Variants in PTPRJ observed in about 807,000 individuals in gnomAD.
The protein encoded by PTPRJ is protein tyrosine phosphatase receptor type J, also known as receptor-type tyrosine-protein phosphatase eta.
PTPRJ carries 129 observed loss-of-function variants against 141.3 expected under a neutral mutation model. That is an observed-to-expected ratio of 0.91 (90% CI 0.79 to 1.06). The LOEUF is 1.06. Among genes scored for constraint, PTPRJ ranks in the 50% least tolerant of loss-of-function variants. The pLI is 0.00. For missense variants in PTPRJ, 1,601 were observed against 1,679.7 expected (o/e 0.95, Z 0.82); for synonymous variants, 610 against 640.5 (o/e 0.95, Z 0.72).
chr11:48,028,475 A>G (rs1046259796), intron 1 of PTPRJ, among the ~76,000 whole-genome samples: 2 of 152,294 alleles, frequency 1.3e-5, no homozygotes, highest in South Asian at 2.1e-4. Context: ...GACTGGCCAC[A>G]GCCCAGCCCA....
At chr11:48,046,900 ATATATATATATATT>A (rs1242549870) in intron 1 of PTPRJ, among the ~76,000 whole-genome samples, 1 of 82,206 alleles carries the variant, frequency 1.2e-5, no homozygotes, top group Non-Finnish European at 2.2e-5. Flanking sequence ...ATATATATAT[ATATATATATATATT>A]TTTTTTTTTT....
intron 1 of PTPRJ, among the ~76,000 whole-genome samples, chr11:48,080,207 G>A (rs542830856): frequency 2.0e-5 from 3 of 152,294 alleles, no homozygotes; most frequent in South Asian, 4.1e-4. Context: ...TATCAAAGCC[G>A]GTTGGTACTG....
chr11:48,062,120 AACTCCTGG>A (rs928219116), intron 1 of PTPRJ, among the ~76,000 whole-genome samples: 90 of 150,212 alleles, frequency 6.0e-4, no homozygotes, highest in African/African-American at 2.1e-3. Context: ...GCTGGTTTCT[AACTCCTGG>A]ACTCAAGTGA....
rs1286082298 is a variant in PTPRJ, at chr11:48,131,051, C to CACAT, written c.1615+336_1615+337insCATA. Among the ~76,000 whole-genome samples, 203 of 112,078 alleles carry CACAT rather than the reference C, an allele frequency of 1.8e-3. 1 individual carries two copies. Among genetic ancestry groups the CACAT allele is most frequent in the African/African-American group, 5.8e-3 (146 of 25,044 alleles). 73.5% of individuals were successfully genotyped at this position (112,078 alleles called of 152,430 possible). A position where few individuals can be genotyped will look rare whatever the true frequency, so the allele number is the denominator to read the frequency against. ...TTTAATACACACACACACACACACA[C>CACAT]ATATATATATATATATATATTTTTT... is the stretch of plus-strand genomic sequence containing the variant. On this transcript the variant is annotated intron_variant, in intron 8 of 24. Coordinates refer to ENST00000418331, the MANE Select transcript of PTPRJ (RefSeq NM_002843.4).
At chr11:48,011,292 C>CATGGT (rs1451053738) in intron 1 of PTPRJ, among the ~76,000 whole-genome samples, 1 of 152,124 alleles carries the variant, frequency 6.6e-6, no homozygotes. Context: ...TGTATGTGCA[C>CATGGT]AAGGCCTCTT....
chr11:48,080,622 G>C (rs775541013), intron 1 of PTPRJ, among the ~76,000 whole-genome samples: 1 of 152,224 alleles, frequency 6.6e-6, no homozygotes, highest in Non-Finnish European at 1.5e-5. Flanking sequence ...TGTTGGGTTG[G>C]TGAGGACAGA....
intron 4 of PTPRJ, 59 bp from the exon 5 acceptor site, chr11:48,123,554 T>C: frequency 6.5e-7 from 1 of 1,540,340 alleles, no homozygotes; most frequent in Non-Finnish European, 8.8e-7. Context: ...CCAGTCATTC[T>C]TAATGAAGGT....
At chr11:48,163,416 C>T (rs748793762) in intron 22 of PTPRJ, 42 bp from the exon 23 acceptor site, 47 of 1,545,470 alleles carry the variant, frequency 3.0e-5, no homozygotes, top group Non-Finnish European at 4.2e-5. Flanking sequence ...TGTTGTTAGG[C>T]AGCCTTTCTG....
chr11:48,035,923 A>G (rs759140369), intron 1 of PTPRJ, among the ~76,000 whole-genome samples: 3 of 152,196 alleles, frequency 2.0e-5, no homozygotes, highest in Non-Finnish European at 2.9e-5. Context: ...CTATATCTGT[A>G]CTACTGGCAT....
intron 6 of PTPRJ, 34 bp from the exon 7 acceptor site, chr11:48,127,746 C>A: frequency 6.2e-7 from 1 of 1,605,578 alleles, no homozygotes. Flanking sequence ...CTTGGCCGTT[C>A]TGGTTATTTT....
chr11:48,041,168 C>T (rs912866992), intron 1 of PTPRJ, among the ~76,000 whole-genome samples: 6 of 152,014 alleles, frequency 3.9e-5, no homozygotes, highest in Non-Finnish European at 7.4e-5. Flanking sequence ...AGATCATTCA[C>T]GTCTTGAAGT....
At position 48,169,705 on chromosome 11, in the gene PTPRJ, A is replaced by C. The variant is rs1234122757; in HGVS notation, c.*2343A>C. 1 of 152,222 alleles carries C rather than the reference A, an allele frequency of 6.6e-6. No homozygotes were observed. The highest frequency in any genetic ancestry group is 6.5e-5 in the Admixed American group (1 of 15,284). The allele number at this position is 152,222 out of a possible 1,614,324, so 9.4% of individuals were successfully genotyped here. A position where few individuals can be genotyped will look rare whatever the true frequency, so the allele number is the denominator to read the frequency against. On this transcript the variant is annotated 3_prime_UTR_variant, in exon 25 of 25. Transcript: ENST00000418331. ...ACTTGTTGCTAAAAAATCCTTTAAA[A>C]GGTTAAATACTTTAAAAGATTAAAG...
intron 1 of PTPRJ, among the ~76,000 whole-genome samples, chr11:48,063,289 A>G (rs890208608): frequency 4.6e-5 from 7 of 152,186 alleles, no homozygotes; most frequent in Admixed American, 3.3e-4. Flanking sequence ...GATTGCACCA[A>G]TGCACTCCAG....
Position 48,144,821 on chromosome 11 carries a change from G to A in PTPRJ, c.2722G>A (p.Val908Ile), listed in dbSNP as rs763699928. The change falls in exon 13 of 25, where the codon GTT (valine) becomes ATT (isoleucine). Residue 908 changes from valine (V) to isoleucine (I), a missense_variant. Transcript: ENST00000418331. ...TGAAGTTTTGAAATATGAAATTGAC[G>A]TTGGGAATGAGTCAACCACACTTGG... is the stretch of plus-strand genomic sequence containing the variant. ...LSEVLKYEID[V>I]GNESTTLGYY... 2.0e-5 allele frequency: 32 copies of A among 1,614,068 alleles called. No homozygotes were observed. Among genetic ancestry groups the A allele is most frequent in the East Asian group, 6.7e-5 (3 of 44,896 alleles).
intron 1 of PTPRJ, among the ~76,000 whole-genome samples, chr11:48,047,863 C>T (rs1167265917): frequency 2.6e-5 from 4 of 152,004 alleles, no homozygotes; most frequent in Admixed American, 6.6e-5. Context: ...GGGCAGATGC[C>T]GGGTGGTTCT....
chr11:48,126,590 G>A (rs1178654766), intron 6 of PTPRJ, among the ~76,000 whole-genome samples: 5 of 151,986 alleles, frequency 3.3e-5, no homozygotes, highest in Non-Finnish European at 7.4e-5. Context: ...GGGTCTTCAC[G>A]TGGTTGAAGG....
intron 21 of PTPRJ, among the ~76,000 whole-genome samples, chr11:48,159,161 G>GTGTGTGTGTGTGT (rs60389100): frequency 7.7e-6 from 1 of 130,514 alleles, no homozygotes; most frequent in Non-Finnish European, 1.6e-5. Context: ...GTGTGTGTGT[G>GTGTGTGTGTGTGT]GTCATTTGCC....
Position 48,144,988 on chromosome 11 carries a change from G to C in PTPRJ, c.2787-12G>C. On this transcript the variant is annotated splice_polypyrimidine_tract_variant and intron_variant, in intron 13 of 24. Coordinates refer to ENST00000418331, the MANE Select transcript of PTPRJ (RefSeq NM_002843.4). Reference sequence around the variant, plus strand: ...TCTCAGGGACCTCTTTTTGCTCTTTGTTATCCCACAGGGCTTGTGTGGCTG... The same window carrying C: ...TCTCAGGGACCTCTTTTTGCTCTTTCTTATCCCACAGGGCTTGTGTGGCTG... 2.5e-6 allele frequency: 4 copies of C among 1,613,842 alleles called. No homozygotes were observed. The highest frequency in any genetic ancestry group is 3.4e-6 in the Non-Finnish European group (4 of 1,179,940).
rs892966682 is a variant in PTPRJ at position 48,061,228 on chromosome 11, G to A, written c.97-48830G>A. ...TGACCTCAGGTGATCCGCCTACCTC[G>A]GCCTCCCAAAATGCTGGGATTACAG... On this transcript the variant is annotated intron_variant, in intron 1 of 24. Coordinates refer to ENST00000418331, the MANE Select transcript of PTPRJ (RefSeq NM_002843.4). 7.9e-5 allele frequency among the ~76,000 whole-genome samples: 12 copies of A among 151,980 alleles called. No individual in the cohort carries two copies. The South Asian group carries it at 1.0e-3, about 13-fold the overall frequency.
Sources: allele counts gnomAD v4.1 joint callset (sites outside exome capture counted in the v4.1 genomes callset), GRCh38; gene constraint gnomAD v4.1.1; transcripts MANE v1.5; gene names NCBI Gene and HGNC (gene_info 2026-07-23, HGNC 2026-07-21).